NCKAP5: variants seen among roughly 807,000 people sequenced by gnomAD.
NCKAP5 encodes the protein NCK associated protein 5.
Under a neutral mutation model 167.0 loss-of-function variants are expected in NCKAP5, and 92 were observed. That is an observed-to-expected ratio of 0.55 (90% CI 0.47 to 0.66). NCKAP5 has a LOEUF of 0.66. Ranked by LOEUF, NCKAP5 falls within the 30% of genes least tolerant of loss-of-function variation. NCKAP5 has a pLI of 0.00. For missense variants in NCKAP5, 2,378 were observed against 2,315.0 expected (o/e 1.03, Z -0.56); for synonymous variants, 891 against 877.4 (o/e 1.02, Z -0.27).
At chr2:132,764,487 G>C (rs1681280038) in intron 16 of NCKAP5, among the ~76,000 whole-genome samples, 1 of 152,120 alleles carries the variant, frequency 6.6e-6, no homozygotes, top group African/African-American at 2.4e-5. Context: ...ACATTTCCTT[G>C]CCCAAGCTAC....
rs184821453 is a variant in NCKAP5 at position 132,887,590 on chromosome 2, C to G, written c.580-8674G>C. On this transcript the variant is annotated intron_variant, in intron 8 of 19. Coordinates refer to ENST00000409261, the MANE Select transcript of NCKAP5 (RefSeq NM_207363.3). The stretch of plus-strand genomic sequence containing the variant: ...GAGTCGGGCTCATCTCCTAAAGCTC[C>G]CGTGTTCCTTCCAGGGCTGTGCCTT... Among the ~76,000 whole-genome samples, 4 of 152,258 alleles carry G rather than the reference C, an allele frequency of 2.6e-5. No individual in the cohort carries two copies. The East Asian group carries it at 7.7e-4, about 29-fold the overall frequency.
At chr2:133,580,289 T>A in the NCKAP5 span, among the ~76,000 whole-genome samples, 106 of 152,338 alleles carry the variant, frequency 7.0e-4, no homozygotes, top group African/African-American at 2.5e-3. Flanking sequence ...ATAAATTTTT[T>A]AAAAATCCTA....
At chr2:133,601,155 C>T in the NCKAP5 span, among the ~76,000 whole-genome samples, 1 of 152,186 alleles carries the variant, frequency 6.6e-6, no homozygotes, top group African/African-American at 2.4e-5. Context: ...GTGGTTCATG[C>T]AGGCTAAACG....
At chr2:133,606,763 G>T in the NCKAP5 span, among the ~76,000 whole-genome samples, 2 of 148,116 alleles carry the variant, frequency 1.4e-5, no homozygotes, top group Admixed American at 6.7e-5. Flanking sequence ...AAAAAAAAAA[G>T]GTTTTAGCCT....
intron 6 of NCKAP5, among the ~76,000 whole-genome samples, chr2:133,035,863 A>C (rs1010343010): frequency 2.6e-5 from 4 of 151,936 alleles, no homozygotes; most frequent in African/African-American, 9.7e-5. Flanking sequence ...ATTGAAAGAA[A>C]AATGCAAAGT....
intron 6 of NCKAP5, among the ~76,000 whole-genome samples, chr2:133,020,343 G>A (rs1271892027): frequency 2.6e-5 from 4 of 152,182 alleles, no homozygotes; most frequent in African/African-American, 4.8e-5. Context: ...GTCCTATGGT[G>A]GTCAGCTGCA....
At chr2:133,448,865 C>T (rs1265078838) in intron 3 of NCKAP5, among the ~76,000 whole-genome samples, 1 of 152,240 alleles carries the variant, frequency 6.6e-6, no homozygotes, top group South Asian at 2.1e-4. Flanking sequence ...GTCTCAAACT[C>T]CTGGGCTCCA....
rs1237604671 is a variant in NCKAP5, at chr2:132,671,911, C to G, written c.*1378G>C. ...TTAAGATAAAATAAAACAAATTGCACAAATTAACCAAATAACACTGATCAT... is the reference window on the plus strand; with the variant it reads ...TTAAGATAAAATAAAACAAATTGCAGAAATTAACCAAATAACACTGATCAT... On this transcript the variant is annotated 3_prime_UTR_variant, in exon 20 of 20. Coordinates refer to ENST00000409261, the MANE Select transcript of NCKAP5 (RefSeq NM_207363.3). The G allele has an allele frequency of 6.6e-6, 1 of 152,576 alleles. No homozygotes were observed. The highest frequency in any genetic ancestry group is 1.5e-5 in the Non-Finnish European group (1 of 68,016). The allele number at this position is 152,576 out of a possible 1,614,324, so 9.5% of individuals were successfully genotyped here. A position where few individuals can be genotyped will look rare whatever the true frequency, so the allele number is the denominator to read the frequency against.
At chr2:133,595,605 G>A in the NCKAP5 span, among the ~76,000 whole-genome samples, 2 of 151,980 alleles carry the variant, frequency 1.3e-5, no homozygotes, top group East Asian at 3.9e-4. Flanking sequence ...ACTTTCCTCT[G>A]GGGTCTCTGA....
intron 3 of NCKAP5, among the ~76,000 whole-genome samples, chr2:133,347,539 G>A (rs1684061581): frequency 1.3e-5 from 2 of 151,804 alleles, no homozygotes; most frequent in African/African-American, 4.8e-5. Context: ...GGCAACAGGA[G>A]TGAAACTCCA....
chr2:132,759,498 T>A (rs1403268299), intron 16 of NCKAP5, among the ~76,000 whole-genome samples: 1 of 152,086 alleles, frequency 6.6e-6, no homozygotes, highest in African/African-American at 2.4e-5. Flanking sequence ...TGTATGACAC[T>A]CCAATATTTT....
intron 3 of NCKAP5, among the ~76,000 whole-genome samples, chr2:133,469,987 G>T (rs146799993): frequency 2.0e-4 from 31 of 151,262 alleles, no homozygotes; most frequent in African/African-American, 6.1e-4. Flanking sequence ...TAATTTGATC[G>T]TCTGAAGCCT....
chr2:133,004,866 T>TC (rs2077908349), intron 6 of NCKAP5, among the ~76,000 whole-genome samples: 1 of 152,072 alleles, frequency 6.6e-6, no homozygotes, highest in African/African-American at 2.4e-5. Context: ...TTTAGAGACC[T>TC]CCCCCTGGGA....
intron 8 of NCKAP5, among the ~76,000 whole-genome samples, chr2:132,940,849 T>C (rs1697244592): frequency 6.6e-6 from 1 of 152,030 alleles, no homozygotes. Context: ...GTGATACTTT[T>C]CTTCTTCTTT....
intron 8 of NCKAP5, among the ~76,000 whole-genome samples, chr2:132,925,903 G>A (rs143707956): frequency 7.5e-4 from 114 of 152,268 alleles, no homozygotes; most frequent in African/African-American, 2.5e-3. Flanking sequence ...AAAATTTTAC[G>A]AATTTAGGGG....
At chr2:133,384,016 C>T (rs182700627) in intron 3 of NCKAP5, among the ~76,000 whole-genome samples, 1 of 152,144 alleles carries the variant, frequency 6.6e-6, no homozygotes, top group East Asian at 1.9e-4. Context: ...TGCCTGTTCA[C>T]TCTGATGGTA....
At chr2:132,938,981 A>G (rs10207480) in intron 8 of NCKAP5, among the ~76,000 whole-genome samples, 42,387 of 152,090 alleles carry the variant, frequency 0.28, 6,989 homozygotes, top group Admixed American at 0.44. Flanking sequence ...TTGAACAAGG[A>G]CAGGAGGAGA....
intron 8 of NCKAP5, among the ~76,000 whole-genome samples, chr2:132,955,467 A>G (rs747537600): frequency 6.6e-6 from 1 of 152,158 alleles, no homozygotes; most frequent in African/African-American, 2.4e-5. Context: ...AGCTTCATCC[A>G]TCTCTGAAAG....
intron 8 of NCKAP5, among the ~76,000 whole-genome samples, chr2:132,939,376 C>T (rs1193008136): frequency 6.6e-6 from 1 of 152,110 alleles, no homozygotes; most frequent in Non-Finnish European, 1.5e-5. Flanking sequence ...TGAAGAACCA[C>T]CACTCATGGA....
Sources: allele counts gnomAD v4.1 joint callset (sites outside exome capture counted in the v4.1 genomes callset), GRCh38; gene constraint gnomAD v4.1.1; transcripts MANE v1.5; gene names NCBI Gene and HGNC (gene_info 2026-07-23, HGNC 2026-07-21).